Variants in DIAPH2 observed in about 807,000 individuals in gnomAD.
DIAPH2 encodes the protein protein diaphanous homolog 2.
Under a neutral mutation model 92.7 loss-of-function variants are expected in DIAPH2, and 35 were observed. The observed-to-expected ratio is 0.38, with a 90% confidence interval of 0.29 to 0.50. DIAPH2 has a LOEUF of 0.50. Ranked by LOEUF, DIAPH2 falls within the 20% of genes least tolerant of loss-of-function variation. The pLI is 0.94. For synonymous variants in DIAPH2, 301 were observed against 280.4 expected (o/e 1.07, Z -0.73); for missense variants, 701 against 819.5 (o/e 0.86, Z 1.77).
At chrX:96,870,934 C>T (rs2065137609) in intron 4 of DIAPH2, among the ~76,000 whole-genome samples, 1 of 111,737 alleles carries the variant, frequency 8.9e-6, no homozygotes, top group South Asian at 3.7e-4. Flanking sequence ...TAAAGTTACT[C>T]TTGGAATCGG....
At chrX:97,110,996 A>C (rs758243738) in intron 20 of DIAPH2, among the ~76,000 whole-genome samples, 8,292 of 102,851 alleles carry the variant, frequency 0.081, 309 homozygotes, top group Middle Eastern at 0.13. Context: ...AAAAACAAAC[A>C]AAAAAAAAAA....
chrX:97,042,772 T>C (rs2066456387), intron 17 of DIAPH2, among the ~76,000 whole-genome samples: 1 of 112,129 alleles, frequency 8.9e-6, no homozygotes, highest in South Asian at 3.6e-4. Flanking sequence ...AGGCAAATTT[T>C]AAGTGAGTTT....
chrX:97,595,924 G>A (rs1433703733), intron 26 of DIAPH2, among the ~76,000 whole-genome samples: 2 of 111,702 alleles, frequency 1.8e-5, no homozygotes, highest in Non-Finnish European at 3.8e-5. Flanking sequence ...GAGCCACCGC[G>A]CCTGACCCAG....
chrX:97,500,979 A>G (rs2070794117), intron 26 of DIAPH2, among the ~76,000 whole-genome samples: 2 of 108,551 alleles, frequency 1.8e-5, no homozygotes, highest in Non-Finnish European at 3.8e-5. Context: ...TCCTTTAATT[A>G]AAAAGATGGC....
At chrX:96,729,011 A>G (rs778337243) in intron 1 of DIAPH2, among the ~76,000 whole-genome samples, 1 of 112,344 alleles carries the variant, frequency 8.9e-6, no homozygotes, top group South Asian at 3.7e-4. Flanking sequence ...TATACATGTT[A>G]GGGAGACATG....
chrX:97,395,507 C>T (rs1001263562), intron 25 of DIAPH2, among the ~76,000 whole-genome samples: 2 of 112,077 alleles, frequency 1.8e-5, no homozygotes, highest in African/African-American at 3.2e-5. Flanking sequence ...TCAGTATACA[C>T]TAGCATTGGA....
chrX:97,430,175 G>C (rs763267697), intron 26 of DIAPH2, among the ~76,000 whole-genome samples: 24 of 111,964 alleles, frequency 2.1e-4, no homozygotes, highest in African/African-American at 7.1e-4. Context: ...TTGCAGTGCA[G>C]TCTGTTCTCT....
chrX:96,706,227 C>T (rs139120094), intron 1 of DIAPH2, among the ~76,000 whole-genome samples: 57 of 112,005 alleles, frequency 5.1e-4, no homozygotes, highest in African/African-American at 1.5e-3. Context: ...TGGCCACAGA[C>T]CACCCTCCTG....
At chrX:97,570,626 GC>G (rs1238306196) in intron 26 of DIAPH2, among the ~76,000 whole-genome samples, 1 of 110,762 alleles carries the variant, frequency 9.0e-6, no homozygotes, top group Non-Finnish European at 1.9e-5. Flanking sequence ...GTGCTTTAAA[GC>G]CAGGGAATCT....
chrX:97,161,031 T>A (rs1002721150), intron 22 of DIAPH2, among the ~76,000 whole-genome samples: 8 of 102,265 alleles, frequency 7.8e-5, no homozygotes, highest in African/African-American at 2.4e-4. Context: ...CCCTTTAAGG[T>A]TTTTGTTTTT....
intron 22 of DIAPH2, among the ~76,000 whole-genome samples, chrX:97,194,283 A>AT (rs2067679050): frequency 1.8e-5 from 2 of 108,358 alleles, no homozygotes; most frequent in African/African-American, 3.5e-5. Context: ...ATATCCTAGA[A>AT]ATTTTTTTTT....
intron 21 of DIAPH2, among the ~76,000 whole-genome samples, chrX:97,121,530 T>A (rs1183341659): frequency 8.9e-6 from 1 of 112,438 alleles, no homozygotes; most frequent in East Asian, 2.8e-4. Context: ...GACAATTTGA[T>A]TAAATAGAGG....
intron 4 of DIAPH2, among the ~76,000 whole-genome samples, chrX:96,847,615 C>G (rs1471965809): frequency 9.5e-6 from 1 of 104,818 alleles, no homozygotes; most frequent in Non-Finnish European, 2.0e-5. Context: ...TTTGAGTGAT[C>G]AAAGGTTGCT....
intron 15 of DIAPH2, among the ~76,000 whole-genome samples, chrX:96,955,471 A>C (rs752317947): frequency 9.0e-6 from 1 of 111,196 alleles, no homozygotes; most frequent in South Asian, 3.8e-4. Context: ...AAACACAATC[A>C]TGCCCTTCCA....
chrX:96,775,124 C>G (rs1438099363), intron 4 of DIAPH2, among the ~76,000 whole-genome samples: 4 of 110,888 alleles, frequency 3.6e-5, no homozygotes, highest in Non-Finnish European at 5.7e-5. Flanking sequence ...TTTTCTATTT[C>G]TGCTGAGGAC....
intron 17 of DIAPH2, among the ~76,000 whole-genome samples, chrX:97,035,586 G>A (rs1479019102): frequency 1.8e-5 from 2 of 111,914 alleles, no homozygotes; most frequent in African/African-American, 6.5e-5. Context: ...TTTTAAATAA[G>A]GGAATGTGGT....
chrX:97,188,012 G>A (rs2067622057), intron 22 of DIAPH2, among the ~76,000 whole-genome samples: 1 of 111,745 alleles, frequency 8.9e-6, no homozygotes, highest in East Asian at 2.8e-4. Context: ...TTTTAAGCAT[G>A]TAGTTAGAAG....
At chrX:96,897,225 T>G (rs914431552) in intron 5 of DIAPH2, among the ~76,000 whole-genome samples, 3 of 111,401 alleles carry the variant, frequency 2.7e-5, no homozygotes, top group African/African-American at 9.8e-5. Flanking sequence ...TTTGGTTACA[T>G]GGATGAGTTC....
chrX:96,869,425 G>C (rs2065124479), intron 4 of DIAPH2, among the ~76,000 whole-genome samples: 1 of 110,432 alleles, frequency 9.1e-6, no homozygotes, highest in Non-Finnish European at 1.9e-5. Context: ...AGCTGGGCGT[G>C]GTGGCGCACG....
Sources: allele counts gnomAD v4.1 joint callset (sites outside exome capture counted in the v4.1 genomes callset), GRCh38; gene constraint gnomAD v4.1.1; transcripts MANE v1.5; gene names NCBI Gene and HGNC (gene_info 2026-07-23, HGNC 2026-07-21).